The following TAFA2 variants were observed in gnomAD, a reference collection of about 807,000 sequenced individuals.
TAFA2 encodes the protein TAFA chemokine like family member 2, also known as chemokine-like protein TAFA-2.
A neutral mutation model predicts 18.8 loss-of-function variants in TAFA2; 7 were observed. That is an observed-to-expected ratio of 0.37 (90% confidence interval 0.21 to 0.70). The LOEUF (loss-of-function observed/expected upper bound fraction) is 0.70, where lower values mean the gene tolerates loss of function less well. Among genes scored for constraint, TAFA2 ranks in the 30% least tolerant of loss-of-function variants. The probability of loss-of-function intolerance (pLI) is 0.53; values close to 1 mark genes in which losing one functional copy is unlikely to be tolerated. For missense variants in TAFA2, 122 were observed against 158.1 expected, an observed-to-expected ratio of 0.77 and a Z score of 1.23; for synonymous variants, 60 against 54.2, an observed-to-expected ratio of 1.11 and a Z score of -0.47.
intron 2 of TAFA2, among the ~76,000 whole-genome samples, chr12:61,781,708 C>G (rs190042148): frequency 6.6e-6 from 1 of 151,532 alleles, no homozygotes. Flanking sequence ...AAAAATATGT[C>G]TTAAAGTTTT....
At chr12:62,021,474 CTT>C (rs34094332) in intron 1 of TAFA2, 144,228 of 418,592 alleles carry the variant, frequency 0.34, 24,007 homozygotes, top group Non-Finnish European at 0.39. Context: ...CTGCATCATT[CTT>C]TTTTTTTTTT....
intron 1 of TAFA2, among the ~76,000 whole-genome samples, chr12:61,872,421 G>A (rs747565407): frequency 6.6e-6 from 1 of 151,898 alleles, no homozygotes; most frequent in Non-Finnish European, 1.5e-5. Flanking sequence ...AAAAAAATTC[G>A]CCCTTAGGGT....
intron 2 of TAFA2, among the ~76,000 whole-genome samples, chr12:61,775,322 T>C (rs1345237323): frequency 1.3e-5 from 2 of 151,710 alleles, no homozygotes; most frequent in African/African-American, 4.8e-5. Flanking sequence ...CCCAAAGGGG[T>C]TGAAAACTTA....
At chr12:61,919,230 G>C (rs1876947193) in intron 1 of TAFA2, among the ~76,000 whole-genome samples, 1 of 152,094 alleles carries the variant, frequency 6.6e-6, no homozygotes, top group Admixed American at 6.5e-5. Context: ...ATAGAGCATA[G>C]AGGAATCAAC....
chr12:62,239,919 G>A lies in TAFA2; in HGVS notation c.-130+18844C>T, dbSNP rs764323239. ...TGTTTTAAGCCACTAACTTTCAAGT[G>A]GGTTGTTACGCAGAAAAGATAACTA... On this transcript the variant is annotated intron_variant, in intron 1 of 5. Transcript: ENST00000551619. Among the ~76,000 whole-genome samples, 5 of 152,186 alleles carry A rather than the reference G, an allele frequency of 3.3e-5. No individual in the cohort carries two copies. In the East Asian group the frequency reaches 7.7e-4, roughly 24 times the overall value.
chr12:61,945,805 G>A (rs1413798850), intron 1 of TAFA2, among the ~76,000 whole-genome samples: 1 of 146,938 alleles, frequency 6.8e-6, no homozygotes, highest in African/African-American at 2.5e-5. Flanking sequence ...GGAAATAAAA[G>A]AGGATACAAA....
At chr12:62,124,171 A>G (rs1870349232) in intron 1 of TAFA2, among the ~76,000 whole-genome samples, 1 of 152,160 alleles carries the variant, frequency 6.6e-6, no homozygotes, top group South Asian at 2.1e-4. Context: ...AAAGATAATG[A>G]TATAAAACTG....
intron 1 of TAFA2, among the ~76,000 whole-genome samples, chr12:62,255,672 G>C (rs778504937): frequency 6.6e-6 from 1 of 151,836 alleles, no homozygotes; most frequent in Non-Finnish European, 1.5e-5. Flanking sequence ...GGCCAACATG[G>C]TGAAACCCCA....
At chr12:61,844,387 G>A (rs1365236883) in intron 2 of TAFA2, among the ~76,000 whole-genome samples, 1 of 152,050 alleles carries the variant, frequency 6.6e-6, no homozygotes, top group African/African-American at 2.4e-5. Context: ...TGTGTACGGA[G>A]TCATTTGTCA....
chr12:61,880,925 G>A (rs1324852164), intron 1 of TAFA2, among the ~76,000 whole-genome samples: 1 of 151,968 alleles, frequency 6.6e-6, no homozygotes, highest in African/African-American at 2.4e-5. Flanking sequence ...TTTACTGCCG[G>A]GGGACCCCCC....
chr12:61,871,118 G>A (rs1465281104), intron 1 of TAFA2, among the ~76,000 whole-genome samples: 3 of 152,096 alleles, frequency 2.0e-5, no homozygotes, highest in African/African-American at 7.2e-5. Flanking sequence ...AGTCGGGGGG[G>A]CATGCAACAA....
intron 1 of TAFA2, among the ~76,000 whole-genome samples, chr12:62,250,015 G>T (rs1406424143): frequency 1.3e-5 from 2 of 152,062 alleles, no homozygotes; most frequent in African/African-American, 4.8e-5. Flanking sequence ...AATTTATAAT[G>T]AAAAAGGGTT....
intron 1 of TAFA2, among the ~76,000 whole-genome samples, chr12:62,093,281 A>G (rs1213719974): frequency 1.3e-5 from 2 of 152,034 alleles, no homozygotes; most frequent in Admixed American, 1.3e-4. Flanking sequence ...TGTGATGGAA[A>G]GCAATTTACA....
At chr12:62,080,216 T>C (rs1868297910) in intron 1 of TAFA2, among the ~76,000 whole-genome samples, 1 of 152,218 alleles carries the variant, frequency 6.6e-6, no homozygotes, top group Non-Finnish European at 1.5e-5. Flanking sequence ...CTCCCTTATG[T>C]CAAAGGGATA....
chr12:61,914,699 TATTC>T (rs1476203604), intron 1 of TAFA2, among the ~76,000 whole-genome samples: 5 of 152,204 alleles, frequency 3.3e-5, no homozygotes. Flanking sequence ...ACATATTATT[TATTC>T]ATTCATTTCA....
chr12:61,940,696 G>A (rs1332778643), intron 1 of TAFA2, among the ~76,000 whole-genome samples: 1 of 152,184 alleles, frequency 6.6e-6, no homozygotes, highest in Admixed American at 6.5e-5. Flanking sequence ...AGAGGTGCAG[G>A]TGAAGCTAGC....
At position 62,191,392 on chromosome 12, in the gene TAFA2, C is replaced by T. The variant is rs1420232972; in HGVS notation, c.-135G>A. 3 of 152,500 alleles carry T rather than the reference C, an allele frequency of 2.0e-5. No homozygotes were observed. The highest frequency in any genetic ancestry group is 2.0e-4 in the Admixed American group (3 of 15,284). The allele number at this position is 152,500 out of a possible 1,614,324, so 9.4% of individuals were successfully genotyped here. ...CGTCACCATCCAGGGGCATAGGGAACCGAAGTCTGGTGCTGTGTGATCGTG... is the reference window on the plus strand; with the variant it reads ...CGTCACCATCCAGGGGCATAGGGAATCGAAGTCTGGTGCTGTGTGATCGTG... On this transcript the variant is annotated 5_prime_UTR_variant, in exon 1 of 5. Coordinates refer to ENST00000416284, the MANE Select transcript of TAFA2 (RefSeq NM_178539.5).
At chr12:62,177,292 G>T (rs2136947397) in intron 1 of TAFA2, among the ~76,000 whole-genome samples, 1 of 152,308 alleles carries the variant, frequency 6.6e-6, no homozygotes, top group East Asian at 1.9e-4. Flanking sequence ...CTCTCTTCCT[G>T]CCACCACCAA....
At chr12:61,883,260 A>G (rs1192213906) in intron 1 of TAFA2, among the ~76,000 whole-genome samples, 2 of 152,374 alleles carry the variant, frequency 1.3e-5, no homozygotes, top group East Asian at 1.9e-4. Context: ...AGAAAAGAAT[A>G]TAATGGCATT....
Sources: gnomAD v4.1 joint callset for allele counts (sites outside exome capture counted in the v4.1 genomes callset) on GRCh38, gnomAD v4.1.1 for gene constraint, MANE v1.5 for transcripts, NCBI Gene and HGNC (gene_info 2026-07-23, HGNC 2026-07-21) for gene names.